STARD13: variants seen among roughly 807,000 people sequenced by gnomAD.
STARD13 encodes stAR-related lipid transfer protein 13.
A neutral mutation model predicts 106.4 loss-of-function variants in STARD13; 62 were observed. The ratio of observed to expected loss-of-function variants is 0.58; its 90% CI spans 0.48 to 0.72. The LOEUF is 0.72. STARD13 is among the 30% of genes least tolerant of loss of function. The probability of loss-of-function intolerance (pLI) is 0.00; values close to 1 mark genes in which losing one functional copy is unlikely to be tolerated. For missense variants in STARD13, 1,387 were observed against 1,424.0 expected, an observed-to-expected ratio of 0.97 and a Z score of 0.42; for synonymous variants, 565 against 553.0, an observed-to-expected ratio of 1.02 and a Z score of -0.31.
the STARD13 span, among the ~76,000 whole-genome samples, chr13:33,607,434 C>T: frequency 6.6e-6 from 1 of 151,720 alleles, no homozygotes; most frequent in Non-Finnish European, 1.5e-5. Context: ...GTATCTGGGA[C>T]TACAGGTGCG....
chr13:33,218,715 G>A (rs1888178925), intron 1 of STARD13, among the ~76,000 whole-genome samples: 1 of 152,200 alleles, frequency 6.6e-6, no homozygotes, highest in Non-Finnish European at 1.5e-5. Context: ...ACACAGCAGA[G>A]TACTATATAA....
At chr13:33,272,271 T>C (rs1891202395) in intron 1 of STARD13, among the ~76,000 whole-genome samples, 1 of 152,158 alleles carries the variant, frequency 6.6e-6, no homozygotes, top group Admixed American at 6.5e-5. Flanking sequence ...GCATCCTTAA[T>C]CCCCAAATCC....
chr13:33,325,776 C>G (rs970231397), intron 1 of STARD13, among the ~76,000 whole-genome samples: 2 of 151,944 alleles, frequency 1.3e-5, no homozygotes, highest in African/African-American at 4.8e-5. Flanking sequence ...GGACGGATCA[C>G]GAGGTCAGGA....
the STARD13 span, among the ~76,000 whole-genome samples, chr13:33,634,351 A>G: frequency 6.6e-6 from 1 of 152,194 alleles, no homozygotes; most frequent in Non-Finnish European, 1.5e-5. Context: ...TCATGATCCA[A>G]TGGGAGAAGC....
the STARD13 span, among the ~76,000 whole-genome samples, chr13:33,662,123 G>T: frequency 2.6e-5 from 4 of 151,950 alleles, no homozygotes; most frequent in East Asian, 1.9e-4. Flanking sequence ...TTAGCTGGGC[G>T]TGGTGGTGGG....
chr13:33,618,711 A>G, the STARD13 span, among the ~76,000 whole-genome samples: 1 of 152,124 alleles, frequency 6.6e-6, no homozygotes, highest in South Asian at 2.1e-4. Context: ...AGGGGAACTG[A>G]GGTAAGGAAA....
the STARD13 span, among the ~76,000 whole-genome samples, chr13:33,643,159 G>GCACACACACACACA: frequency 8.0e-4 from 112 of 139,818 alleles, no homozygotes; most frequent in South Asian, 3.3e-3. Flanking sequence ...CATAGAACAT[G>GCACACACACACACA]CACACACACA....
At chr13:33,621,022 G>A in the STARD13 span, among the ~76,000 whole-genome samples, 1 of 151,680 alleles carries the variant, frequency 6.6e-6, no homozygotes, top group Non-Finnish European at 1.5e-5. Flanking sequence ...AATATTAAAT[G>A]TTTATATTAG....
At chr13:33,302,618 T>C (rs921451797) in intron 1 of STARD13, among the ~76,000 whole-genome samples, 2 of 152,068 alleles carry the variant, frequency 1.3e-5, no homozygotes, top group African/African-American at 4.8e-5. Flanking sequence ...TGTTGCCCAC[T>C]CTGGTCTTGA....
At chr13:33,360,703 A>ATTCCTTCTGTGT in the STARD13 span, among the ~76,000 whole-genome samples, 965 of 133,484 alleles carry the variant, frequency 7.2e-3, 43 homozygotes, top group Non-Finnish European at 9.1e-3. Context: ...AGACAGAAGG[A>ATTCCTTCTGTGT]ATCCTTCTGT....
chr13:33,614,126 G>A, the STARD13 span, among the ~76,000 whole-genome samples: 6,284 of 152,232 alleles, frequency 0.041, 350 homozygotes, highest in East Asian at 0.22. Context: ...TGATCTGGCC[G>A]AAGAGGGGTG....
chr13:33,614,713 C>A, the STARD13 span, among the ~76,000 whole-genome samples: 1 of 152,196 alleles, frequency 6.6e-6, no homozygotes, highest in African/African-American at 2.4e-5. Flanking sequence ...TTTCAAGAAG[C>A]AGAGGCTCCC....
intron 1 of STARD13, among the ~76,000 whole-genome samples, chr13:33,307,582 C>T (rs1413371024): frequency 6.6e-6 from 1 of 152,166 alleles, no homozygotes; most frequent in Non-Finnish European, 1.5e-5. Flanking sequence ...CAAGCATGCT[C>T]TCACTTATGA....
the STARD13 span, among the ~76,000 whole-genome samples, chr13:33,627,058 A>AT: frequency 6.6e-6 from 1 of 152,260 alleles, no homozygotes; most frequent in Non-Finnish European, 1.5e-5. Flanking sequence ...TCCCTTTATC[A>AT]TTTTCAGATC....
chr13:33,459,150 A>G, the STARD13 span, among the ~76,000 whole-genome samples: 13 of 152,282 alleles, frequency 8.5e-5, no homozygotes, highest in East Asian at 2.1e-3. Flanking sequence ...TTGATAAGTT[A>G]TGATGTACTA....
the STARD13 span, among the ~76,000 whole-genome samples, chr13:33,400,563 C>T: frequency 6.6e-6 from 1 of 152,040 alleles, no homozygotes; most frequent in African/African-American, 2.4e-5. Context: ...CAGGTTCACG[C>T]CATTCTCCCA....
chr13:33,262,343 G>A (rs920102272), intron 1 of STARD13, among the ~76,000 whole-genome samples: 8 of 152,128 alleles, frequency 5.3e-5, no homozygotes, highest in Non-Finnish European at 8.8e-5. Context: ...TAGAGGCTCC[G>A]TCCTGTTACT....
At chr13:33,559,560 T>A in the STARD13 span, among the ~76,000 whole-genome samples, 1 of 151,412 alleles carries the variant, frequency 6.6e-6, no homozygotes, top group Non-Finnish European at 1.5e-5. Context: ...AGTGTCCTTA[T>A]AAGAAAAGGA....
the STARD13 span, among the ~76,000 whole-genome samples, chr13:33,409,663 C>T: frequency 6.6e-6 from 1 of 152,142 alleles, no homozygotes; most frequent in Non-Finnish European, 1.5e-5. Flanking sequence ...TGTGAGGGTA[C>T]ATTTCTCCCC....
Sources: gnomAD v4.1 joint callset for allele counts (sites outside exome capture counted in the v4.1 genomes callset) on GRCh38, gnomAD v4.1.1 for gene constraint, MANE v1.5 for transcripts, NCBI Gene and HGNC (gene_info 2026-07-23, HGNC 2026-07-21) for gene names.